Variants in HECW1 observed in about 807,000 individuals in gnomAD.
HECW1 encodes the protein HECT, C2 and WW domain containing E3 ubiquitin protein ligase 1.
A neutral mutation model predicts 182.3 loss-of-function variants in HECW1; 61 were observed. That is an observed-to-expected ratio of 0.33 (90% CI 0.27 to 0.41). HECW1 has a LOEUF of 0.41. HECW1 is among the 10% of genes least tolerant of loss of function. The probability of loss-of-function intolerance (pLI) is 1.00; values close to 1 mark genes in which losing one functional copy is unlikely to be tolerated. For synonymous variants in HECW1, 859 were observed against 832.6 expected, an observed-to-expected ratio of 1.03 and a Z score of -0.55; for missense variants, 1,739 against 2,108.9, an observed-to-expected ratio of 0.82 and a Z score of 3.44.
intron 3 of HECW1, chr7:43,274,517 A>C (rs762183155): frequency 1.7e-6 from 1 of 593,922 alleles, no homozygotes; most frequent in Non-Finnish European, 3.1e-6. Flanking sequence ...AAGGTGGAGG[A>C]GATCGCAGCC....
intron 14 of HECW1, among the ~76,000 whole-genome samples, chr7:43,465,343 G>C (rs1203568992): frequency 6.6e-6 from 1 of 152,228 alleles, no homozygotes; most frequent in Admixed American, 6.5e-5. Context: ...TCAGGATGCT[G>C]CTGGGCTCAC....
In HECW1 at chr7:43,463,695, G is replaced by T. The variant is rs768975353; in HGVS notation, c.2687G>T (p.Arg896Met). 94 of 1,613,918 alleles carry T rather than the reference G, an allele frequency of 5.8e-5. No individual in the cohort carries two copies. The highest frequency in any genetic ancestry group is 7.9e-5 in the Non-Finnish European group (93 of 1,180,010). Residue 896 changes from arginine (R) to methionine (M), a missense_variant, in exon 14 of 30, where the codon AGG (arginine) becomes ATG (methionine). By Grantham distance (91) the Arg-to-Met change is moderately conservative. This residue lies in a region of HECW1 where 971 missense variants were observed against 1,029.1 expected (regional missense o/e 0.94). Coordinates refer to ENST00000395891, the MANE Select transcript of HECW1 (RefSeq NM_015052.5). ...QNIQRTIATE[R>M]SEEDSGSQSC... is the part of the protein sequence containing the mutation. ...ATTCAGCGAACCATTGCAACAGAGA[G>T]GTCCGAAGAAGATTCTGGCAGCCAA...
At chr7:43,377,698 C>G (rs1232814635) in intron 6 of HECW1, 1 of 204,980 alleles carries the variant, frequency 4.9e-6, no homozygotes, top group Admixed American at 6.0e-5. Flanking sequence ...GGCAGAAGCC[C>G]TTAAGTTAAT....
At chr7:43,543,782 A>T (rs1382084039) in intron 26 of HECW1, among the ~76,000 whole-genome samples, 1 of 135,980 alleles carries the variant, frequency 7.4e-6, no homozygotes, top group Admixed American at 7.3e-5. Flanking sequence ...TCCATCTCAC[A>T]AAAAAAAAAA....
chr7:43,463,853 A>G, intron 14 of HECW1, 54 bp downstream of exon 14: 3 of 1,590,482 alleles, frequency 1.9e-6, no homozygotes, highest in South Asian at 1.1e-5. Context: ...GCTGTGTGAC[A>G]GAGGGCTACA....
chr7:43,509,270 G>A, intron 24 of HECW1, 149 bp downstream of exon 24: 1 of 666,596 alleles, frequency 1.5e-6, no homozygotes, highest in Non-Finnish European at 2.4e-6. Context: ...CAAGAAGGAA[G>A]AATCTGTTAG....
intron 5 of HECW1, among the ~76,000 whole-genome samples, chr7:43,330,100 C>T (rs565849358): frequency 2.6e-5 from 4 of 152,266 alleles, no homozygotes; most frequent in African/African-American, 9.6e-5. Context: ...GATGCTCCTC[C>T]TATTGAGAGG....
intron 6 of HECW1, among the ~76,000 whole-genome samples, chr7:43,376,609 A>G (rs1005360492): frequency 6.6e-6 from 1 of 152,230 alleles, no homozygotes; most frequent in African/African-American, 2.4e-5. Context: ...TTACACCTAT[A>G]ATCCCAGCAC....
intron 2 of HECW1, among the ~76,000 whole-genome samples, chr7:43,231,130 A>G (rs1797844191): frequency 6.6e-6 from 1 of 152,218 alleles, no homozygotes; most frequent in Non-Finnish European, 1.5e-5. Context: ...ATTGACAAGT[A>G]AGAAACTAAC....
At chr7:43,256,976 A>G (rs1329823303) in intron 3 of HECW1, among the ~76,000 whole-genome samples, 1 of 152,234 alleles carries the variant, frequency 6.6e-6, no homozygotes, top group African/African-American at 2.4e-5. Flanking sequence ...AAATCAGGAA[A>G]CAAAAAAGAA....
rs1419907257 is a variant in HECW1, at chr7:43,445,456, T to C, written c.2284T>C (p.Ser762Pro). 6.2e-7 allele frequency: 1 copy of C among 1,612,570 alleles called. No individual in the cohort carries two copies. Among genetic ancestry groups the C allele is most frequent in the Non-Finnish European group, 8.5e-7 (1 of 1,179,790 alleles). Reference sequence around the variant, plus strand: ...GCAGAGCCCTGAGCTGGACCCGGAGTCCACGAACGGCGCTGGGCCGTGGCA... The same window carrying C: ...GCAGAGCCCTGAGCTGGACCCGGAGCCCACGAACGGCGCTGGGCCGTGGCA... ...SMQSPELDPESTNGAGPWQDE... is the reference protein window; with the variant it reads ...SMQSPELDPEPTNGAGPWQDE... Residue 762 changes from serine to proline, a missense_variant, in exon 11 of 30, where the codon TCC becomes CCC. Around this residue, in one of 5 missense-constraint regions of HECW1, gnomAD observed 971 missense variants for 1,029.1 expected, o/e 0.94. Coordinates refer to ENST00000395891, the MANE Select transcript of HECW1 (RefSeq NM_015052.5).
intron 3 of HECW1, among the ~76,000 whole-genome samples, chr7:43,261,848 GTTTTTTATTTTTTA>G (rs565853132): frequency 7.2e-5 from 11 of 151,874 alleles, no homozygotes; most frequent in Non-Finnish European, 1.5e-4. Context: ...GCTTTGTTTT[GTTTTTTATTTTTTA>G]TTTTTTATTT....
intron 3 of HECW1, among the ~76,000 whole-genome samples, chr7:43,292,767 C>T (rs1805551954): frequency 6.6e-6 from 1 of 152,144 alleles, no homozygotes; most frequent in South Asian, 2.1e-4. Flanking sequence ...GGTGTGAGGG[C>T]TTTGTCTTCA....
chr7:43,138,805 G>C (rs1348237943), intron 2 of HECW1, among the ~76,000 whole-genome samples: 1 of 152,242 alleles, frequency 6.6e-6, no homozygotes, highest in African/African-American at 2.4e-5. Flanking sequence ...CAGGGTAGGG[G>C]CAGGGGGAAG....
chr7:43,276,113 C>A (rs920591227), intron 3 of HECW1, among the ~76,000 whole-genome samples: 5 of 152,110 alleles, frequency 3.3e-5, no homozygotes, highest in African/African-American at 7.2e-5. Flanking sequence ...GAAGATGTGA[C>A]CTTTTCATTT....
intron 22 of HECW1, 134 bp downstream of exon 22, chr7:43,507,391 G>T: frequency 1.2e-6 from 1 of 817,754 alleles, no homozygotes; most frequent in Admixed American, 3.0e-5. Context: ...AGCGGGGGAA[G>T]AAGGAAGTTG....
intron 21 of HECW1, among the ~76,000 whole-genome samples, chr7:43,504,958 C>T (rs558611866): frequency 5.9e-5 from 9 of 152,170 alleles, no homozygotes; most frequent in Non-Finnish European, 1.2e-4. Flanking sequence ...CAGTTCTCAG[C>T]CTTCCTAATC....
intron 24 of HECW1, chr7:43,511,890 G>A (rs185475865): frequency 5.4e-6 from 1 of 185,512 alleles, no homozygotes; most frequent in African/African-American, 2.3e-5. Flanking sequence ...AATGCTGGCA[G>A]TGTGTGGGTG....
chr7:43,442,469 G>T (rs756045981), intron 9 of HECW1, 60 bp from the exon 10 acceptor site: 10 of 1,231,100 alleles, frequency 8.1e-6, no homozygotes, highest in Non-Finnish European at 1.2e-5. Flanking sequence ...AAAGCACACT[G>T]CATGGTCATT....
Sources: allele counts gnomAD v4.1 joint callset (sites outside exome capture counted in the v4.1 genomes callset), GRCh38; gene constraint gnomAD v4.1.1; regional missense constraint gnomAD v4.1.1; transcripts MANE v1.5; gene names NCBI Gene and HGNC (gene_info 2026-07-23, HGNC 2026-07-21).